The following EML6 variants were observed in gnomAD, a reference collection of about 807,000 sequenced individuals.
EML6 encodes the protein EMAP like 6.
Under a neutral mutation model 240.1 loss-of-function variants are expected in EML6, and 154 were observed. The ratio of observed to expected loss-of-function variants is 0.64; its 90% CI spans 0.56 to 0.73. The LOEUF (loss-of-function observed/expected upper bound fraction) is 0.73, where lower values mean the gene tolerates loss of function less well. Among genes scored for constraint, EML6 ranks in the 30% least tolerant of loss-of-function variants. The pLI, the probability that EML6 is intolerant of heterozygous loss-of-function variation, is 0.00. For synonymous variants in EML6, 1,148 were observed against 899.0 expected (o/e 1.28, Z -4.95); for missense variants, 2,964 against 2,474.6 (o/e 1.20, Z -4.20).
chr2:54,905,685 A>G (rs1298799546), intron 24 of EML6, among the ~76,000 whole-genome samples: 1 of 152,162 alleles, frequency 6.6e-6, no homozygotes, highest in Admixed American at 6.5e-5. Context: ...CCATTAAATG[A>G]TAACTTTTCA....
At chr2:54,923,283 A>ATG (rs1408924720) in intron 26 of EML6, among the ~76,000 whole-genome samples, 5 of 151,468 alleles carry the variant, frequency 3.3e-5, no homozygotes, top group African/African-American at 1.2e-4. Context: ...TGGGGATCTG[A>ATG]TGTAGAGCAT....
At chr2:54,928,886 T>A (rs1294362776) in intron 28 of EML6, 135 bp downstream of exon 28, 1 of 1,061,070 alleles carries the variant, frequency 9.4e-7, no homozygotes, top group Non-Finnish European at 1.4e-6. Context: ...AGTCTTCACC[T>A]GTACACAGGC....
chr2:54,855,202 C>A (rs996942563), intron 11 of EML6, among the ~76,000 whole-genome samples: 1 of 152,044 alleles, frequency 6.6e-6, no homozygotes, highest in African/African-American at 2.4e-5. Context: ...GTAGGCTACA[C>A]AGGAAGTATG....
chr2:54,946,943 G>T (rs1346959869), intron 28 of EML6, among the ~76,000 whole-genome samples: 1 of 151,870 alleles, frequency 6.6e-6, no homozygotes, highest in Non-Finnish European at 1.5e-5. Context: ...AAAAGCATCG[G>T]ATTGCGTCTG....
At chr2:54,817,916 G>T (rs1165100186) in intron 4 of EML6, among the ~76,000 whole-genome samples, 1 of 151,824 alleles carries the variant, frequency 6.6e-6, no homozygotes, top group African/African-American at 2.4e-5. Flanking sequence ...GAAAGCTCAG[G>T]AGTGACCAAC....
At chr2:54,932,516 A>C (rs1354957914) in intron 28 of EML6, among the ~76,000 whole-genome samples, 1 of 151,858 alleles carries the variant, frequency 6.6e-6, no homozygotes, top group East Asian at 1.9e-4. Context: ...AACCTGACAC[A>C]CCTCTTACTC....
intron 22 of EML6, among the ~76,000 whole-genome samples, chr2:54,902,003 C>T (rs1315334524): frequency 6.6e-6 from 1 of 152,150 alleles, no homozygotes. Context: ...CCAGAAACCC[C>T]TTGGGAGAAT....
chr2:54,796,657 G>A (rs962094837), intron 2 of EML6, among the ~76,000 whole-genome samples: 3 of 152,080 alleles, frequency 2.0e-5, no homozygotes, highest in Admixed American at 2.0e-4. Flanking sequence ...TTAGTTCAGT[G>A]CCAAAAGACT....
At chr2:54,948,384 C>T (rs574582956) in intron 28 of EML6, among the ~76,000 whole-genome samples, 29 of 152,258 alleles carry the variant, frequency 1.9e-4, no homozygotes, top group Admixed American at 1.6e-3. Flanking sequence ...GGCACTTGGC[C>T]TGTGGTCCTT....
intron 39 of EML6, among the ~76,000 whole-genome samples, chr2:54,967,695 A>G (rs918989211): frequency 5.3e-5 from 8 of 152,186 alleles, no homozygotes. Flanking sequence ...CTTTCATGCC[A>G]GGAGAGCCAC....
chr2:54,842,659 T>G (rs1051874429), intron 7 of EML6, among the ~76,000 whole-genome samples: 6 of 152,328 alleles, frequency 3.9e-5, no homozygotes, highest in Middle Eastern at 3.4e-3. Flanking sequence ...AAATTGATAT[T>G]GCTTCTGTAT....
intron 7 of EML6, among the ~76,000 whole-genome samples, chr2:54,842,928 G>A (rs1669540936): frequency 2.0e-5 from 3 of 152,204 alleles, no homozygotes; most frequent in African/African-American, 4.8e-5. Context: ...ATGGTATTTT[G>A]AGATTGAAAT....
At position 54,784,627 on chromosome 2, in the gene EML6, C is replaced by G. The variant is rs903562555; in HGVS notation, c.198-28605C>G. ...CTAATAGCATGCTGTTGACAAGAAG[C>G]CTTACCAATAACAGAAACAGTCCAT... is the stretch of plus-strand genomic sequence containing the variant. On this transcript the variant is annotated intron_variant, in intron 2 of 41. Coordinates refer to ENST00000356458, the MANE Select transcript of EML6 (RefSeq NM_001039753.4). Among the ~76,000 whole-genome samples the G allele has an allele frequency of 7.3e-4, 111 of 152,240 alleles. 1 individual carries two copies. Among genetic ancestry groups the G allele is most frequent in the African/African-American group, 2.3e-3 (97 of 41,546 alleles).
chr2:54,911,537 C>G (rs751776746), intron 25 of EML6, among the ~76,000 whole-genome samples: 16 of 151,346 alleles, frequency 1.1e-4, no homozygotes, highest in Admixed American at 5.9e-4. Flanking sequence ...TAATGTGATT[C>G]TCCCACCACA....
intron 31 of EML6, among the ~76,000 whole-genome samples, chr2:54,953,476 TA>T (rs1676081179): frequency 6.6e-6 from 1 of 152,252 alleles, no homozygotes; most frequent in African/African-American, 2.4e-5. Context: ...GTGTTGAACA[TA>T]AATGTCCGTA....
At position 54,859,616 on chromosome 2, in the gene EML6, C is replaced by T; in HGVS notation, c.1740C>T (p.Ser580=). ...RWSHDFQWVL[S]TGGADHSVFQ... ...CCCATGACTTTCAGTGGGTGTTGAGCACAGGAGGGGCTGATCACTCAGTTT... is the reference window on the plus strand; with the variant it reads ...CCCATGACTTTCAGTGGGTGTTGAGTACAGGAGGGGCTGATCACTCAGTTT... The change falls in exon 12 of 42, where the codon AGC becomes AGT. Residue 580 remains serine (S), a synonymous_variant. Transcript: ENST00000356458. The T allele has an allele frequency of 2.6e-6, 4 of 1,551,380 alleles. No homozygotes were observed. The highest frequency in any genetic ancestry group is 3.5e-6 in the Non-Finnish European group (4 of 1,146,858).
At chr2:54,859,896 T>A (rs1164822819) in intron 12 of EML6, among the ~76,000 whole-genome samples, 195 bp downstream of exon 12, 1 of 152,156 alleles carries the variant, frequency 6.6e-6, no homozygotes, top group Admixed American at 6.5e-5. Context: ...CAAAGGAAGT[T>A]GCTATACCAA....
In EML6 at chr2:54,853,732, T is replaced by C. The variant is rs773112893; in HGVS notation, c.1534T>C (p.Trp512Arg). Residue 512 changes from tryptophan (W) to arginine (R), a missense_variant, in exon 11 of 42, where the codon TGG becomes CGG. By Grantham distance (101) the Trp-to-Arg change is moderately radical. Transcript: ENST00000356458. ...CVKGPEVSGI[W>R]PKYTEVTDIN... ...GAAAGGCCCTGAAGTGAGTGGAATT[T>C]GGCCCAAATACACTGAGGTTACTGA... is the stretch of plus-strand genomic sequence containing the variant. The C allele has an allele frequency of 6.4e-7, 1 of 1,551,652 alleles. No homozygotes were observed. Among genetic ancestry groups the C allele is most frequent in the South Asian group, 1.2e-5 (1 of 84,058 alleles).
At chr2:54,823,850 TTC>T (rs147852134) in intron 5 of EML6, among the ~76,000 whole-genome samples, 44 of 72,196 alleles carry the variant, frequency 6.1e-4, no homozygotes, top group African/African-American at 1.6e-3. Context: ...CATTCATTCA[TTC>T]TCTCTCTCTC....
Sources: allele counts gnomAD v4.1 joint callset (sites outside exome capture counted in the v4.1 genomes callset), GRCh38; gene constraint gnomAD v4.1.1; transcripts MANE v1.5; gene names NCBI Gene and HGNC (gene_info 2026-07-23, HGNC 2026-07-21).